Variants in ADAMTSL1 observed in about 807,000 individuals in gnomAD.
ADAMTSL1 encodes the protein ADAMTS like 1.
Under a neutral mutation model 201.8 loss-of-function variants are expected in ADAMTSL1, and 126 were observed. The ratio of observed to expected loss-of-function variants is 0.62; its 90% CI spans 0.54 to 0.72. ADAMTSL1 has a LOEUF of 0.72. Among genes scored for constraint, ADAMTSL1 ranks in the 30% least tolerant of loss-of-function variants. ADAMTSL1 has a pLI of 0.00. For missense variants in ADAMTSL1, 2,679 were observed against 2,277.8 expected, an observed-to-expected ratio of 1.18 and a Z score of -3.59; for synonymous variants, 1,121 against 903.4, an observed-to-expected ratio of 1.24 and a Z score of -4.32.
intron 1 of ADAMTSL1, among the ~76,000 whole-genome samples, chr9:17,962,953 T>C (rs1159564162): frequency 6.6e-6 from 1 of 152,250 alleles, no homozygotes; most frequent in Non-Finnish European, 1.5e-5. Flanking sequence ...TTTCTCATGA[T>C]GTCACCCTGT....
intron 2 of ADAMTSL1, among the ~76,000 whole-genome samples, chr9:18,307,969 A>G (rs962960470): frequency 3.3e-5 from 5 of 152,184 alleles, no homozygotes; most frequent in Non-Finnish European, 5.9e-5. Flanking sequence ...AGCAAATGCA[A>G]AAGGACAGAA....
At chr9:18,657,282 A>G (rs1354866847) in intron 7 of ADAMTSL1, among the ~76,000 whole-genome samples, 2 of 152,236 alleles carry the variant, frequency 1.3e-5, no homozygotes, top group Non-Finnish European at 2.9e-5. Context: ...CTATTTCTGA[A>G]TCTACATTTT....
chr9:18,125,194 G>C (rs1334619785), intron 1 of ADAMTSL1, among the ~76,000 whole-genome samples: 2 of 152,168 alleles, frequency 1.3e-5, no homozygotes, highest in African/African-American at 4.8e-5. Flanking sequence ...AGGCAAGGAG[G>C]AGCAAGTCGC....
chr9:18,371,843 A>T (rs537090770), intron 2 of ADAMTSL1, among the ~76,000 whole-genome samples: 3 of 152,328 alleles, frequency 2.0e-5, no homozygotes, highest in African/African-American at 7.2e-5. Context: ...TAGATATGTT[A>T]CATAAATAAA....
At chr9:17,972,870 A>C (rs1487798162) in intron 1 of ADAMTSL1, among the ~76,000 whole-genome samples, 2 of 144,874 alleles carry the variant, frequency 1.4e-5, no homozygotes, top group Middle Eastern at 7.0e-3. Context: ...CTGGTGTGAG[A>C]TGGTATCTCA....
chr9:18,386,058 A>C (rs958472196), intron 2 of ADAMTSL1, among the ~76,000 whole-genome samples: 3 of 152,214 alleles, frequency 2.0e-5, no homozygotes, highest in African/African-American at 7.2e-5. Context: ...TTAATTCATC[A>C]TATCTGTGCT....
At chr9:18,098,531 C>T (rs1044804737) in intron 1 of ADAMTSL1, among the ~76,000 whole-genome samples, 5 of 152,112 alleles carry the variant, frequency 3.3e-5, no homozygotes, top group African/African-American at 1.2e-4. Flanking sequence ...TATTGTTGCT[C>T]GTCTAGAAAC....
At chr9:18,574,908 G>A (rs1822612000) in intron 4 of ADAMTSL1, among the ~76,000 whole-genome samples, 1 of 152,134 alleles carries the variant, frequency 6.6e-6, no homozygotes, top group Non-Finnish European at 1.5e-5. Context: ...TTGTATGTTT[G>A]TCATGTCTTT....
chr9:18,870,800 T>C (rs978374182), intron 23 of ADAMTSL1, among the ~76,000 whole-genome samples: 1 of 150,568 alleles, frequency 6.6e-6, no homozygotes, highest in African/African-American at 2.4e-5. Context: ...TTTCTCGGGG[T>C]TTGTTTTGTT....
chr9:18,589,096 C>T (rs1027317707), intron 4 of ADAMTSL1, among the ~76,000 whole-genome samples: 5 of 151,606 alleles, frequency 3.3e-5, no homozygotes, highest in Non-Finnish European at 7.4e-5. Flanking sequence ...AGGCTGGCCT[C>T]GAACTCCTGA....
intron 3 of ADAMTSL1, among the ~76,000 whole-genome samples, chr9:18,548,412 A>G (rs915957309): frequency 1.3e-5 from 2 of 152,072 alleles, no homozygotes; most frequent in African/African-American, 4.8e-5. Context: ...AGTGTTTGCA[A>G]GCTCAAGAAA....
At chr9:18,609,555 C>T (rs1443449736) in intron 4 of ADAMTSL1, among the ~76,000 whole-genome samples, 3 of 152,102 alleles carry the variant, frequency 2.0e-5, no homozygotes, top group Non-Finnish European at 4.4e-5. Flanking sequence ...TCCAAAGGGG[C>T]TGAAATAGAT....
In ADAMTSL1 at chr9:18,524,870, G is replaced by A. The variant is rs183319450; in HGVS notation, c.192-8377G>A. On this transcript the variant is annotated intron_variant, in intron 2 of 28. Transcript: ENST00000380548. ...GTATTTTATTGAGGATTTTTGAATC[G>A]ATGTTCATCAGGGATATTGGTCTAA... 3.6e-3 allele frequency among the ~76,000 whole-genome samples: 555 copies of A among 152,240 alleles called. 9 individuals carry two copies. Among genetic ancestry groups the A allele is most frequent in the Non-Finnish European group, 1.2e-3 (84 of 68,026 alleles).
intron 1 of ADAMTSL1, among the ~76,000 whole-genome samples, chr9:18,045,157 C>A (rs139055483): frequency 1.3e-5 from 2 of 152,166 alleles, no homozygotes; most frequent in Non-Finnish European, 2.9e-5. Flanking sequence ...AGGACACTAA[C>A]GTATATGAGT....
At chr9:18,313,201 T>C (rs1032921399) in intron 2 of ADAMTSL1, among the ~76,000 whole-genome samples, 10 of 152,212 alleles carry the variant, frequency 6.6e-5, no homozygotes, top group Admixed American at 2.0e-4. Context: ...TCTTAGGCAA[T>C]GCTGATACTG....
chr9:18,744,875 G>A (rs1219329447), intron 15 of ADAMTSL1, among the ~76,000 whole-genome samples: 1 of 152,094 alleles, frequency 6.6e-6, no homozygotes, highest in African/African-American at 2.4e-5. Context: ...TTTGTAAAAC[G>A]TCTCTCCATG....
intron 4 of ADAMTSL1, among the ~76,000 whole-genome samples, chr9:18,614,864 C>T (rs1013574227): frequency 1.3e-5 from 2 of 152,158 alleles, no homozygotes; most frequent in African/African-American, 4.8e-5. Flanking sequence ...TGGTTCCCAA[C>T]TTCTTAACAC....
intron 2 of ADAMTSL1, among the ~76,000 whole-genome samples, chr9:18,377,516 C>T (rs1837352262): frequency 6.6e-6 from 1 of 152,092 alleles, no homozygotes; most frequent in South Asian, 2.1e-4. Context: ...GAGGGAATTT[C>T]AGTTTGTGCA....
At chr9:17,945,887 A>G (rs1275473258) in intron 1 of ADAMTSL1, among the ~76,000 whole-genome samples, 1 of 151,434 alleles carries the variant, frequency 6.6e-6, no homozygotes, top group Admixed American at 6.6e-5. Flanking sequence ...TAATGGGTGC[A>G]GCACACCAGC....
Sources: gnomAD v4.1 joint callset for allele counts (sites outside exome capture counted in the v4.1 genomes callset) on GRCh38, gnomAD v4.1.1 for gene constraint, MANE v1.5 for transcripts, NCBI Gene and HGNC (gene_info 2026-07-23, HGNC 2026-07-21) for gene names.